The following NCKAP5 variants were observed in gnomAD, a reference collection of about 807,000 sequenced individuals.
NCKAP5 encodes the protein NCK associated protein 5.
A neutral mutation model predicts 167.0 loss-of-function variants in NCKAP5; 92 were observed. The observed-to-expected ratio is 0.55, with a 90% CI of 0.47 to 0.66. The LOEUF is 0.66. Among genes scored for constraint, NCKAP5 ranks in the 30% least tolerant of loss-of-function variants. NCKAP5 has a pLI of 0.00. For synonymous variants in NCKAP5, 891 were observed against 877.4 expected (o/e 1.02, Z -0.27); for missense variants, 2,378 against 2,315.0 (o/e 1.03, Z -0.56).
the NCKAP5 span, among the ~76,000 whole-genome samples, chr2:133,618,975 A>G: frequency 1.4e-5 from 2 of 146,954 alleles, no homozygotes; most frequent in Admixed American, 6.8e-5. Flanking sequence ...CTATGCAGCC[A>G]TAAACAATGA....
intron 3 of NCKAP5, among the ~76,000 whole-genome samples, chr2:133,514,817 G>T (rs1289454099): frequency 6.6e-6 from 1 of 151,996 alleles, no homozygotes; most frequent in Non-Finnish European, 1.5e-5. Flanking sequence ...TCTACTTTTG[G>T]TGTAATCCTA....
At chr2:132,779,946 T>C (rs558006062) in intron 15 of NCKAP5, among the ~76,000 whole-genome samples, 1 of 152,302 alleles carries the variant, frequency 6.6e-6, no homozygotes. Context: ...TACAAAAAGA[T>C]ATGGATATAG....
chr2:133,459,673 C>T (rs1692081173), intron 3 of NCKAP5, among the ~76,000 whole-genome samples: 1 of 152,148 alleles, frequency 6.6e-6, no homozygotes, highest in South Asian at 2.1e-4. Context: ...GGCCTGGATT[C>T]TGTTGACCTG....
intron 7 of NCKAP5, among the ~76,000 whole-genome samples, chr2:132,990,602 G>T (rs2077421854): frequency 6.6e-6 from 1 of 152,124 alleles, no homozygotes; most frequent in African/African-American, 2.4e-5. Flanking sequence ...ATCCAGTTGG[G>T]CTCCATATCA....
At chr2:133,540,805 A>C (rs1686160061) in intron 2 of NCKAP5, among the ~76,000 whole-genome samples, 1 of 151,676 alleles carries the variant, frequency 6.6e-6, no homozygotes, top group African/African-American at 2.4e-5. Context: ...GCGTGGTGGC[A>C]TGCACCTGTA....
intron 5 of NCKAP5, among the ~76,000 whole-genome samples, chr2:133,131,166 G>A (rs962612761): frequency 1.3e-5 from 2 of 152,176 alleles, no homozygotes; most frequent in Non-Finnish European, 2.9e-5. Context: ...AAGGCATTCT[G>A]AGGATCATGA....
the NCKAP5 span, among the ~76,000 whole-genome samples, chr2:133,656,152 A>G: frequency 1.3e-5 from 2 of 152,162 alleles, no homozygotes; most frequent in Non-Finnish European, 2.9e-5. Context: ...GCTGCTATAG[A>G]TTCTATAGTT....
intron 5 of NCKAP5, among the ~76,000 whole-genome samples, chr2:133,196,404 G>T (rs1458556663): frequency 2.6e-5 from 4 of 152,158 alleles, no homozygotes; most frequent in African/African-American, 4.8e-5. Context: ...GCTTCCTAAA[G>T]CTGGGGACAA....
At chr2:132,945,933 A>G (rs1368483733) in intron 8 of NCKAP5, among the ~76,000 whole-genome samples, 1 of 152,240 alleles carries the variant, frequency 6.6e-6, no homozygotes, top group African/African-American at 2.4e-5. Flanking sequence ...GGTGATGTCC[A>G]GCATCAAAAC....
At chr2:133,561,173 AGC>A (rs1688128688) in intron 1 of NCKAP5, among the ~76,000 whole-genome samples, 1 of 152,208 alleles carries the variant, frequency 6.6e-6, no homozygotes, top group Non-Finnish European at 1.5e-5. Context: ...TAAAAACAAG[AGC>A]TTCTTTAACA....
At position 133,000,713 on chromosome 2, in the gene NCKAP5, A is replaced by T. The variant is rs1573693031; in HGVS notation, c.342-6474T>A. On this transcript the variant is annotated intron_variant, in intron 6 of 19. Coordinates refer to ENST00000409261, the MANE Select transcript of NCKAP5 (RefSeq NM_207363.3). ...CTTATGATGGATTTCTAAAATTTTT[A>T]AATTTTTTAATTTTAAAAATTCAAA... Among the ~76,000 whole-genome samples, 5 of 152,310 alleles carry T rather than the reference A, an allele frequency of 3.3e-5. No individual in the cohort carries two copies. The Middle Eastern group carries it at 0.014, about 414-fold the overall frequency.
chr2:133,639,153 T>C, the NCKAP5 span, among the ~76,000 whole-genome samples: 1 of 152,190 alleles, frequency 6.6e-6, no homozygotes, highest in East Asian at 1.9e-4. Context: ...CAAAAATTAA[T>C]AAATTCAGAG....
At chr2:132,727,041 G>T (rs1002018504) in intron 18 of NCKAP5, among the ~76,000 whole-genome samples, 1 of 152,142 alleles carries the variant, frequency 6.6e-6, no homozygotes, top group Non-Finnish European at 1.5e-5. Context: ...GCTAATTCCT[G>T]CTTGAAACGT....
At chr2:132,869,365 T>C (rs1243816140) in intron 9 of NCKAP5, among the ~76,000 whole-genome samples, 1 of 152,228 alleles carries the variant, frequency 6.6e-6, no homozygotes, top group African/African-American at 2.4e-5. Flanking sequence ...TTGCCTGTCC[T>C]TCCTATTCCT....
intron 4 of NCKAP5, among the ~76,000 whole-genome samples, chr2:133,296,683 T>C (rs1466386619): frequency 6.6e-6 from 1 of 152,238 alleles, no homozygotes; most frequent in African/African-American, 2.4e-5. Context: ...TCTTAAATAC[T>C]AGCTATATTA....
intron 2 of NCKAP5, among the ~76,000 whole-genome samples, chr2:133,555,944 G>T (rs1033844126): frequency 2.0e-5 from 3 of 152,156 alleles, no homozygotes; most frequent in African/African-American, 7.2e-5. Flanking sequence ...ACAACAATGT[G>T]CATAAAGTTA....
chr2:133,232,283 C>A (rs543327480), intron 4 of NCKAP5, among the ~76,000 whole-genome samples: 1 of 152,234 alleles, frequency 6.6e-6, no homozygotes, highest in South Asian at 2.1e-4. Context: ...AACACTCTAT[C>A]TCTAAAAATA....
intron 19 of NCKAP5, among the ~76,000 whole-genome samples, chr2:132,695,096 C>A (rs1162401283): frequency 1.3e-5 from 2 of 152,096 alleles, no homozygotes; most frequent in African/African-American, 4.8e-5. Flanking sequence ...TAATTCCATT[C>A]ATAAGAGCTC....
At chr2:132,849,625 C>T (rs1688927847) in intron 11 of NCKAP5, among the ~76,000 whole-genome samples, 1 of 152,184 alleles carries the variant, frequency 6.6e-6, no homozygotes, top group South Asian at 2.1e-4. Flanking sequence ...AGAACTTCTG[C>T]ATTTGTTAGC....
Sources: gnomAD v4.1 joint callset for allele counts (sites outside exome capture counted in the v4.1 genomes callset) on GRCh38, gnomAD v4.1.1 for gene constraint, MANE v1.5 for transcripts, NCBI Gene and HGNC (gene_info 2026-07-23, HGNC 2026-07-21) for gene names.